Variants in CEMIP observed in about 807,000 individuals in gnomAD.
CEMIP encodes cell migration-inducing and hyaluronan-binding protein.
Under a neutral mutation model 156.9 loss-of-function variants are expected in CEMIP, and 105 were observed. The ratio of observed to expected loss-of-function variants is 0.67; its 90% CI spans 0.57 to 0.79. The LOEUF is 0.79. CEMIP is among the 30% of genes least tolerant of loss of function. The pLI is 0.00. For synonymous variants in CEMIP, 676 were observed against 668.4 expected (o/e 1.01, Z -0.17); for missense variants, 1,457 against 1,769.4 (o/e 0.82, Z 3.17).
At chr15:80,824,831 C>T (rs1896994266) in intron 1 of CEMIP, among the ~76,000 whole-genome samples, 1 of 152,166 alleles carries the variant, frequency 6.6e-6, no homozygotes, top group Non-Finnish European at 1.5e-5. Flanking sequence ...TTTCTGGTTC[C>T]CACATAGTAA....
At chr15:80,900,026 G>GGAGGTGGGAGGGCATGCCAGGGA in intron 12 of CEMIP, among the ~76,000 whole-genome samples, 2 of 152,318 alleles carry the variant, frequency 1.3e-5, no homozygotes, top group Admixed American at 1.3e-4. Flanking sequence ...TTGCCTGCAT[G>GGAGGTGGGAGGGCATGCCAGGGA]GAGGTGGGAG....
intron 25 of CEMIP, among the ~76,000 whole-genome samples, chr15:80,939,551 A>G (rs1901262289): frequency 6.6e-6 from 1 of 152,200 alleles, no homozygotes. Flanking sequence ...AAAAGATGTG[A>G]ATTTTTCAAA....
intron 1 of CEMIP, among the ~76,000 whole-genome samples, chr15:80,841,633 TTTC>T (rs1897420951): frequency 6.6e-6 from 1 of 152,158 alleles, no homozygotes; most frequent in Non-Finnish European, 1.5e-5. Context: ...GCTCTTTCTT[TTTC>T]CTTCCTTCTC....
intron 1 of CEMIP, among the ~76,000 whole-genome samples, chr15:80,841,425 C>A (rs1596126635): frequency 6.6e-6 from 1 of 152,170 alleles, no homozygotes; most frequent in Non-Finnish European, 1.5e-5. Context: ...GGCATGGGAT[C>A]ATCCTTTCCC....
Position 80,896,000 on chromosome 15 carries a change from G to C in CEMIP, c.1351G>C (p.Ala451Pro). ...CAGTACTGATTACTCCATGTACCAG[G>C]CAGAAGAGTTCCAGGTGCTTCCCTG... ...IASTDYSMYQ[A>P]EEFQVLPCRS... is the part of the protein sequence containing the mutation. Residue 451 changes from alanine (A) to proline (P), a missense_variant, in exon 12 of 30, where the codon GCA (alanine) becomes CCA (proline). Coordinates refer to ENST00000394685, the MANE Select transcript of CEMIP (RefSeq NM_001293298.2). 1 of 1,614,158 alleles carries C rather than the reference G, an allele frequency of 6.2e-7. No individual in the cohort carries two copies. Among genetic ancestry groups the C allele is most frequent in the Non-Finnish European group, 8.5e-7 (1 of 1,180,038 alleles).
At chr15:80,900,585 G>GGGGTGTGTGTGT (rs1218716074) in intron 12 of CEMIP, among the ~76,000 whole-genome samples, 9 of 74,976 alleles carry the variant, frequency 1.2e-4, no homozygotes, top group Admixed American at 3.2e-4. Context: ...CCCAGGTAGG[G>GGGGTGTGTGTGT]GTGTGTGTGT....
At chr15:80,812,515 A>G (rs1455145838) in intron 1 of CEMIP, among the ~76,000 whole-genome samples, 2 of 152,198 alleles carry the variant, frequency 1.3e-5, no homozygotes, top group South Asian at 2.1e-4. Flanking sequence ...AATGGGCCCA[A>G]TAGTACCTGC....
chr15:80,879,061 T>C lies in CEMIP; in HGVS notation c.241+194T>C, dbSNP rs535564724. Among the ~76,000 whole-genome samples the C allele has an allele frequency of 3.5e-4, 53 of 152,316 alleles. 1 individual carries two copies. The highest frequency in any genetic ancestry group is 1.2e-3 in the African/African-American group (50 of 41,558). On this transcript the variant is annotated intron_variant, in intron 4 of 29. Transcript: ENST00000394685. ...TGGCTTGTCGGAGGTCCAATCTTAGTGAAAGGAGCACTTATCGAGAAAACT... is the reference window on the plus strand; with the variant it reads ...TGGCTTGTCGGAGGTCCAATCTTAGCGAAAGGAGCACTTATCGAGAAAACT...
At chr15:80,926,125 C>T (rs1219158364) in intron 19 of CEMIP, among the ~76,000 whole-genome samples, 2 of 152,202 alleles carry the variant, frequency 1.3e-5, no homozygotes, top group African/African-American at 4.8e-5. Context: ...TTCTTTCTTA[C>T]CATGTTTCTC....
At chr15:80,886,276 C>A (rs1898834660) in intron 7 of CEMIP, among the ~76,000 whole-genome samples, 1 of 150,792 alleles carries the variant, frequency 6.6e-6, no homozygotes, top group Admixed American at 6.6e-5. Flanking sequence ...GAGGCAGTGG[C>A]AGTATATGAG....
At chr15:80,928,650 G>A (rs180846529) in intron 19 of CEMIP, among the ~76,000 whole-genome samples, 36 of 152,288 alleles carry the variant, frequency 2.4e-4, no homozygotes, top group Admixed American at 2.2e-3. Context: ...TGTCAATGCC[G>A]TTGAATGTGG....
chr15:80,791,084 A>G (rs1896069511), intron 1 of CEMIP, among the ~76,000 whole-genome samples: 2 of 152,016 alleles, frequency 1.3e-5, no homozygotes, highest in African/African-American at 4.8e-5. Context: ...GAAGGAAGGA[A>G]TATCTTGAAC....
chr15:80,799,892 A>G (rs1055587570), intron 1 of CEMIP, among the ~76,000 whole-genome samples: 1 of 152,096 alleles, frequency 6.6e-6, no homozygotes, highest in African/African-American at 2.4e-5. Context: ...TCTGCCACCC[A>G]GGCTGGAGTG....
At chr15:80,891,694 G>A (rs1028295506) in intron 10 of CEMIP, among the ~76,000 whole-genome samples, 1 of 152,142 alleles carries the variant, frequency 6.6e-6, no homozygotes, top group African/African-American at 2.4e-5. Context: ...TGCCTCCAAG[G>A]GTGAATTCAA....
At chr15:80,856,206 T>C (rs1897849213) in intron 1 of CEMIP, among the ~76,000 whole-genome samples, 1 of 152,244 alleles carries the variant, frequency 6.6e-6, no homozygotes, top group African/African-American at 2.4e-5. Flanking sequence ...TTCAGAGACA[T>C]ATGCATTTGT....
At chr15:80,933,518 CAGTG>C in intron 23 of CEMIP, 58 bp downstream of exon 23, 1 of 1,320,382 alleles carries the variant, frequency 7.6e-7, no homozygotes, top group Non-Finnish European at 1.1e-6. Flanking sequence ...AACAAGCATT[CAGTG>C]AGTGTCTACT....
At position 80,941,988 on chromosome 15, in the gene CEMIP, C is replaced by T. The variant is rs1901355443; in HGVS notation, c.3547C>T (p.Pro1183Ser). The change falls in exon 26 of 30, where the codon CCC becomes TCC. Residue 1183 changes from proline to serine, a missense_variant. This residue lies in a region of CEMIP where 798 missense variants were observed against 980.1 expected (regional missense o/e 0.81). Coordinates refer to ENST00000394685, the MANE Select transcript of CEMIP (RefSeq NM_001293298.2). ...CAGTGACTGCACAGCCACAGCTTACCCCAAGTTCACCGAGAGGGCTGTCGT... is the reference window on the plus strand; with the variant it reads ...CAGTGACTGCACAGCCACAGCTTACTCCAAGTTCACCGAGAGGGCTGTCGT... ...GVSDCTATAY[P>S]KFTERAVVDV... The T allele has an allele frequency of 6.2e-7, 1 of 1,613,936 alleles. No individual in the cohort carries two copies. The highest frequency in any genetic ancestry group is 1.1e-5 in the South Asian group (1 of 91,058).
At chr15:80,786,046 C>T (rs1895928846) in intron 1 of CEMIP, among the ~76,000 whole-genome samples, 1 of 152,106 alleles carries the variant, frequency 6.6e-6, no homozygotes, top group Non-Finnish European at 1.5e-5. Flanking sequence ...AATTTAAAAA[C>T]TAGATAAGAA....
At chr15:80,849,534 C>G (rs1038408297) in intron 1 of CEMIP, among the ~76,000 whole-genome samples, 7 of 152,206 alleles carry the variant, frequency 4.6e-5, no homozygotes, top group Non-Finnish European at 8.8e-5. Context: ...CGGTTACCAA[C>G]TCTGCCAGTG....
Sources: gnomAD v4.1 joint callset for allele counts (sites outside exome capture counted in the v4.1 genomes callset) on GRCh38, gnomAD v4.1.1 for gene constraint, gnomAD v4.1.1 regional missense constraint, MANE v1.5 for transcripts, NCBI Gene and HGNC (gene_info 2026-07-23, HGNC 2026-07-21) for gene names.